ABCB5: variants seen among roughly 807,000 people sequenced by gnomAD.
ABCB5 encodes ATP-binding cassette sub-family B member 5.
In ABCB5, 155 loss-of-function variants were observed where a neutral mutation model predicts 144.2. The ratio of observed to expected loss-of-function variants is 1.08; its 90% CI spans 0.94 to 1.23. The LOEUF (loss-of-function observed/expected upper bound fraction) is 1.23, where lower values mean the gene tolerates loss of function less well. ABCB5 is among the 50% of genes most tolerant of loss of function. ABCB5 has a pLI of 0.00. For synonymous variants in ABCB5, 610 were observed against 528.6 expected, an observed-to-expected ratio of 1.15 and a Z score of -2.11; for missense variants, 1,830 against 1,520.8, an observed-to-expected ratio of 1.20 and a Z score of -3.38.
intron 20 of ABCB5, among the ~76,000 whole-genome samples, chr7:20,709,920 C>CA (rs1446696636): frequency 2.0e-5 from 3 of 148,652 alleles, no homozygotes; most frequent in Non-Finnish European, 3.0e-5. Flanking sequence ...ACTCAAACCA[C>CA]AAAAATTAGC....
At chr7:20,721,756 T>C (rs73085687) in intron 20 of ABCB5, among the ~76,000 whole-genome samples, 4,351 of 152,330 alleles carry the variant, frequency 0.029, 114 homozygotes, top group Non-Finnish European at 0.038. Flanking sequence ...GGTTCCATAA[T>C]GCAAATTTTT....
intron 20 of ABCB5, among the ~76,000 whole-genome samples, chr7:20,709,182 C>G (rs1338830227): frequency 7.7e-6 from 1 of 130,104 alleles, no homozygotes; most frequent in Non-Finnish European, 1.7e-5. Context: ...CACATTTCTT[C>G]CACTGCTACA....
intron 4 of ABCB5, 122 bp downstream of exon 4, chr7:20,628,960 T>A: frequency 8.7e-7 from 1 of 1,150,416 alleles, no homozygotes; most frequent in Non-Finnish European, 1.2e-6. Context: ...AATATGTATT[T>A]AAGTCATTTA....
chr7:20,624,629 C>A (rs1783868718), intron 2 of ABCB5, among the ~76,000 whole-genome samples: 1 of 152,102 alleles, frequency 6.6e-6, no homozygotes. Flanking sequence ...GGTGTGGGGT[C>A]TGGCCATGAA....
chr7:20,700,616 C>A (rs984039743), intron 19 of ABCB5, among the ~76,000 whole-genome samples: 1 of 152,190 alleles, frequency 6.6e-6, no homozygotes, highest in Non-Finnish European at 1.5e-5. Context: ...CAGATAACAT[C>A]GGTCTAGCTG....
At chr7:20,647,362 G>A in intron 9 of ABCB5, 173 bp from the exon 10 acceptor site, 2 of 1,337,204 alleles carry the variant, frequency 1.5e-6, no homozygotes, top group Non-Finnish European at 1.9e-6. Flanking sequence ...CGGCCTTTTG[G>A]CTAAGATCAA....
rs745507733 is a variant in ABCB5, at chr7:20,755,427, G to T, written c.3577G>T (p.Val1193Leu). The change falls in exon 28 of 28, where the codon GTG becomes TTG. Residue 1193 changes from valine (V) to leucine (L), a missense_variant and splice_region_variant. By Grantham distance (32) the Val-to-Leu change is conservative. Transcript: ENST00000404938. ...TSALDNDSEK[V>L]VQHALDKART... ...GATCACAGGTCTTTCTCTCTTCCAG[G>T]TGGTTCAGCATGCCCTTGATAAAGC... The T allele has an allele frequency of 1.4e-5, 22 of 1,613,876 alleles. No homozygotes were observed. Among genetic ancestry groups the T allele is most frequent in the Non-Finnish European group, 1.9e-5 (22 of 1,179,912 alleles).
chr7:20,633,389 T>TC (rs964364519), intron 5 of ABCB5, among the ~76,000 whole-genome samples: 3 of 151,904 alleles, frequency 2.0e-5, no homozygotes, highest in Non-Finnish European at 4.4e-5. Context: ...CCTATTCTTT[T>TC]CCCCCCAAAA....
chr7:20,666,486 A>C (rs1785198793), intron 14 of ABCB5, among the ~76,000 whole-genome samples: 1 of 152,142 alleles, frequency 6.6e-6, no homozygotes, highest in Non-Finnish European at 1.5e-5. Flanking sequence ...AATCTAGCTG[A>C]TCTCCTCAGG....
chr7:20,657,031 T>G (rs1394756393), intron 13 of ABCB5, among the ~76,000 whole-genome samples: 1 of 151,276 alleles, frequency 6.6e-6, no homozygotes, highest in African/African-American at 2.4e-5. Context: ...AGGCAGTCCT[T>G]CCACCTCAGC....
intron 21 of ABCB5, among the ~76,000 whole-genome samples, chr7:20,723,874 A>C (rs1781950337): frequency 6.6e-6 from 1 of 152,232 alleles, no homozygotes; most frequent in Non-Finnish European, 1.5e-5. Flanking sequence ...TGACCAATTT[A>C]TTTAATCATT....
chr7:20,730,062 G>C (rs1782159661), intron 23 of ABCB5, among the ~76,000 whole-genome samples: 1 of 152,146 alleles, frequency 6.6e-6, no homozygotes, highest in African/African-American at 2.4e-5. Context: ...GAAGTCCCAG[G>C]AAGTTTCTTT....
chr7:20,667,310 G>GAT, intron 14 of ABCB5: 1 of 984,740 alleles, frequency 1.0e-6, no homozygotes, highest in Non-Finnish European at 1.2e-6. Context: ...TATGAGAAGA[G>GAT]ATATATATTA....
At chr7:20,681,981 C>T (rs561852853) in intron 15 of ABCB5, among the ~76,000 whole-genome samples, 123 of 152,048 alleles carry the variant, frequency 8.1e-4, no homozygotes, top group African/African-American at 2.8e-3. Flanking sequence ...TCGAGGCGGG[C>T]GGATCATGAG....
chr7:20,736,293 C>CT (rs1782377433), intron 23 of ABCB5, among the ~76,000 whole-genome samples: 1 of 152,182 alleles, frequency 6.6e-6, no homozygotes, highest in Non-Finnish European at 1.5e-5. Context: ...TCTCAGCTCA[C>CT]TGCAACCTCC....
chr7:20,642,731 C>A (rs1477618812), intron 5 of ABCB5, among the ~76,000 whole-genome samples: 1 of 152,080 alleles, frequency 6.6e-6, no homozygotes, highest in Non-Finnish European at 1.5e-5. Context: ...CTGCAAAGAC[C>A]AGTTATATAG....
In ABCB5 at chr7:20,753,511, C is replaced by A; in HGVS notation, c.3576+5C>A. On this transcript the variant is annotated splice_donor_5th_base_variant and intron_variant, in intron 27 of 27. Transcript: ENST00000404938. ...CTCGATAATGACAGTGAGAAGGTAA[C>A]ATCATTTTCTTTTATCTCAGAATAT... is the stretch of plus-strand genomic sequence containing the variant. 5 of 1,608,302 alleles carry A rather than the reference C, an allele frequency of 3.1e-6. No homozygotes were observed. Among genetic ancestry groups the A allele is most frequent in the Non-Finnish European group, 3.4e-6 (4 of 1,177,818 alleles).
At chr7:20,630,091 A>C (rs1289113675) in intron 4 of ABCB5, among the ~76,000 whole-genome samples, 1 of 152,150 alleles carries the variant, frequency 6.6e-6, no homozygotes, top group East Asian at 1.9e-4. Context: ...TCTTTAGGTT[A>C]AATTCCAGTG....
At chr7:20,644,891 C>A (rs571201260) in intron 7 of ABCB5, among the ~76,000 whole-genome samples, 164 of 152,220 alleles carry the variant, frequency 1.1e-3, no homozygotes, top group Non-Finnish European at 1.6e-3. Context: ...GACTTTGTAG[C>A]CTTTATCAAA....
Sources: allele counts gnomAD v4.1 joint callset (sites outside exome capture counted in the v4.1 genomes callset), GRCh38; gene constraint gnomAD v4.1.1; transcripts MANE v1.5; gene names NCBI Gene and HGNC (gene_info 2026-07-23, HGNC 2026-07-21).